The following GNAL variants were observed in gnomAD, a reference collection of about 807,000 sequenced individuals.
GNAL encodes G protein subunit alpha L.
A neutral mutation model predicts 55.1 loss-of-function variants in GNAL; 18 were observed. The ratio of observed to expected loss-of-function variants is 0.33; its 90% CI spans 0.23 to 0.48. GNAL has a LOEUF of 0.48. Ranked by LOEUF, GNAL falls within the 20% of genes least tolerant of loss-of-function variation. The probability of loss-of-function intolerance (pLI) is 0.99; values close to 1 mark genes in which losing one functional copy is unlikely to be tolerated. For synonymous variants in GNAL, 253 were observed against 237.0 expected, an observed-to-expected ratio of 1.07 and a Z score of -0.62; for missense variants, 412 against 614.1, an observed-to-expected ratio of 0.67 and a Z score of 3.48.
At chr18:11,818,110 G>A (rs1455572915) in intron 4 of GNAL, among the ~76,000 whole-genome samples, 1 of 151,704 alleles carries the variant, frequency 6.6e-6, no homozygotes, top group African/African-American at 2.4e-5. Flanking sequence ...GCTCCTGCCT[G>A]TAGTCTCAGC....
In GNAL at chr18:11,689,675, C is replaced by G. The variant is rs2031170789; in HGVS notation, c.112C>G (p.Leu38Val). The change falls in exon 1 of 12, where the codon CTG (leucine) becomes GTG (valine). Residue 38 changes from leucine to valine, a missense_variant. Physicochemically the swap from Leu to Val is conservative, Grantham distance 32 (BLOSUM62 1). Transcript: ENST00000334049. ...CGCGCAGCCCGCCCCGGCCCCGGCC[C>G]TGGCCCCAGTCCGGGCGGCCGCAAG... ...EDAQPAPAPA[L>V]APVRAAARDT... is the part of the protein sequence containing the mutation. 3 of 1,453,548 alleles carry G rather than the reference C, an allele frequency of 2.1e-6. No homozygotes were observed. The African/African-American group carries it at 4.9e-5, about 24-fold the overall frequency. The allele number at this position is 1,453,548 out of a possible 1,614,324, so 90.0% of individuals were successfully genotyped here.
chr18:11,760,096 A>T (rs2033191970), intron 4 of GNAL, among the ~76,000 whole-genome samples: 1 of 151,284 alleles, frequency 6.6e-6, no homozygotes, highest in Admixed American at 6.6e-5. Flanking sequence ...CTCTTTCTCC[A>T]CCGCCTCCTC....
At chr18:11,717,462 C>T (rs192165121) in intron 1 of GNAL, among the ~76,000 whole-genome samples, 1 of 152,340 alleles carries the variant, frequency 6.6e-6, no homozygotes, top group Admixed American at 6.5e-5. Flanking sequence ...CACGCTGTCA[C>T]CTCTCACTAC....
chr18:11,690,398 A>G (rs1462841191), intron 1 of GNAL, among the ~76,000 whole-genome samples: 1 of 152,096 alleles, frequency 6.6e-6, no homozygotes, highest in Non-Finnish European at 1.5e-5. Context: ...TTTTATTCCA[A>G]TCACAGTGTT....
chr18:11,786,567 G>A (rs1388949444), intron 4 of GNAL, among the ~76,000 whole-genome samples: 1 of 135,442 alleles, frequency 7.4e-6, no homozygotes, highest in Non-Finnish European at 1.5e-5. Context: ...TCCTGCCACA[G>A]CCTCCCAAGT....
chr18:11,789,455 A>G (rs2034167846), intron 4 of GNAL, among the ~76,000 whole-genome samples: 1 of 152,182 alleles, frequency 6.6e-6, no homozygotes, highest in Admixed American at 6.5e-5. Flanking sequence ...TTGCAAACCT[A>G]CTTTAATTAA....
chr18:11,799,452 G>A (rs1304359570), intron 4 of GNAL, among the ~76,000 whole-genome samples: 3 of 152,138 alleles, frequency 2.0e-5, no homozygotes, highest in African/African-American at 7.2e-5. Flanking sequence ...TAGCACAGGG[G>A]TATAATAGGG....
intron 1 of GNAL, among the ~76,000 whole-genome samples, chr18:11,693,323 G>A (rs2031311193): frequency 6.6e-6 from 1 of 152,138 alleles, no homozygotes; most frequent in African/African-American, 2.4e-5. Context: ...TCATCTCATA[G>A]CCTCATAGAG....
rs556838586 is a variant in GNAL, at chr18:11,731,335, A to C, written c.377-21518A>C. On this transcript the variant is annotated intron_variant, in intron 1 of 11. Coordinates refer to ENST00000334049, the MANE Select transcript of GNAL (RefSeq NM_182978.4). ...GCTAATTTTTGTATTTTTAGTAGAG[A>C]CGGGGTTTCTCCATGTTGGCCAGGC... 2.6e-5 allele frequency among the ~76,000 whole-genome samples: 4 copies of C among 152,128 alleles called. No homozygotes were observed. In the South Asian group the frequency reaches 6.2e-4, roughly 24 times the overall value.
At chr18:11,754,107 TTG>T (rs1376758361) in intron 4 of GNAL, among the ~76,000 whole-genome samples, 162 bp downstream of exon 4, 1 of 152,160 alleles carries the variant, frequency 6.6e-6, no homozygotes, top group Non-Finnish European at 1.5e-5. Context: ...ACCAAAATAT[TTG>T]TGTTTGTTAA....
intron 1 of GNAL, among the ~76,000 whole-genome samples, chr18:11,705,187 A>G (rs1405216183): frequency 6.6e-6 from 1 of 152,214 alleles, no homozygotes; most frequent in African/African-American, 2.4e-5. Flanking sequence ...ACAAGTCCTC[A>G]TATAAATGGA....
chr18:11,874,341 A>C (rs562555970), intron 10 of GNAL: 1 of 151,768 alleles, frequency 6.6e-6, no homozygotes, highest in East Asian at 2.0e-4. Context: ...CAGTTGGTCC[A>C]TGTGACGGCA....
chr18:11,850,679 A>G (rs2035836298), intron 5 of GNAL, among the ~76,000 whole-genome samples: 1 of 152,226 alleles, frequency 6.6e-6, no homozygotes, highest in Admixed American at 6.5e-5. Context: ...GATATTTATA[A>G]AACATCAAAA....
At chr18:11,760,017 A>G (rs75582571) in intron 4 of GNAL, among the ~76,000 whole-genome samples, 2,120 of 151,914 alleles carry the variant, frequency 0.014, 43 homozygotes, top group African/African-American at 0.049. Context: ...CCAGTACCTC[A>G]TCAAACCCAC....
At chr18:11,701,314 G>T (rs2143318959) in intron 1 of GNAL, among the ~76,000 whole-genome samples, 1 of 152,242 alleles carries the variant, frequency 6.6e-6, no homozygotes, top group Non-Finnish European at 1.5e-5. Flanking sequence ...ATGCTGGCCA[G>T]GCGCGGTGGC....
chr18:11,851,746 G>C, intron 5 of GNAL: 1 of 1,613,998 alleles, frequency 6.2e-7, no homozygotes, highest in Non-Finnish European at 8.5e-7. Context: ...GGCTGCCAGG[G>C]TCCAGACGGC....
intron 6 of GNAL, 145 bp downstream of exon 6, chr18:11,862,594 T>G (rs2036172393): frequency 1.5e-6 from 1 of 656,122 alleles, no homozygotes; most frequent in African/African-American, 1.8e-5. Context: ...CCTGTGTGTG[T>G]GCGTGGATTG....
intron 4 of GNAL, among the ~76,000 whole-genome samples, chr18:11,822,373 G>A (rs1304618403): frequency 1.3e-5 from 2 of 152,218 alleles, no homozygotes; most frequent in East Asian, 3.8e-4. Context: ...GGGAGCCTGA[G>A]GGCAGAGGAT....
chr18:11,879,503 C>T (rs150853766), intron 11 of GNAL, among the ~76,000 whole-genome samples: 44 of 152,282 alleles, frequency 2.9e-4, no homozygotes, highest in African/African-American at 9.9e-4. Flanking sequence ...GCGGGGTCTT[C>T]CCTCGCACAT....
Sources: allele counts gnomAD v4.1 joint callset (sites outside exome capture counted in the v4.1 genomes callset), GRCh38; gene constraint gnomAD v4.1.1; transcripts MANE v1.5; gene names NCBI Gene and HGNC (gene_info 2026-07-23, HGNC 2026-07-21).